The following CCDC146 variants were observed in gnomAD, a reference collection of about 807,000 sequenced individuals.
CCDC146 encodes the protein coiled-coil domain containing 146, also known as coiled-coil domain-containing protein 146.
CCDC146 carries 92 observed loss-of-function variants against 119.3 expected under a neutral mutation model. That is an observed-to-expected ratio of 0.77 (90% CI 0.65 to 0.92). The LOEUF (loss-of-function observed/expected upper bound fraction) is 0.92. Ranked by LOEUF, CCDC146 falls within the 40% of genes least tolerant of loss-of-function variation. The pLI is 0.00. For missense variants in CCDC146, 1,000 were observed against 1,103.0 expected (o/e 0.91, Z 1.32); for synonymous variants, 372 against 371.8 (o/e 1.00, Z -0.01).
chr7:77,180,104 ATATG>A (rs1406473889), intron 2 of CCDC146, among the ~76,000 whole-genome samples: 2 of 151,758 alleles, frequency 1.3e-5, no homozygotes, highest in Admixed American at 1.3e-4. Flanking sequence ...ATATGCACCC[ATATG>A]TATGTACCAT....
intron 1 of CCDC146, among the ~76,000 whole-genome samples, chr7:77,133,540 C>T (rs777152659): frequency 4.0e-5 from 6 of 151,876 alleles, no homozygotes; most frequent in Non-Finnish European, 5.9e-5. Context: ...TTAGTAGAGA[C>T]GTGGTTTCAC....
intron 1 of CCDC146, among the ~76,000 whole-genome samples, chr7:77,140,365 A>C (rs934083446): frequency 2.6e-5 from 4 of 152,204 alleles, no homozygotes; most frequent in Admixed American, 2.6e-4. Context: ...CAGGTGACTT[A>C]AGTAACAGAA....
rs1792853049 is a variant in CCDC146 at position 77,241,686 on chromosome 7, C to G, written c.240-5C>G. 1.2e-6 allele frequency: 2 copies of G among 1,613,424 alleles called. No individual in the cohort carries two copies. Among genetic ancestry groups the G allele is most frequent in the Middle Eastern group, 1.6e-4 (1 of 6,062 alleles). On this transcript the variant is annotated splice_polypyrimidine_tract_variant and splice_region_variant and intron_variant, in intron 3 of 18. Coordinates refer to ENST00000285871, the MANE Select transcript of CCDC146 (RefSeq NM_020879.3). ...ATGTGAGTCTCTGTTTTTCATGTAA[C>G]CCAGCACACAAGAGTCAGAGGTCCA...
intron 1 of CCDC146, among the ~76,000 whole-genome samples, chr7:77,134,966 T>A (rs1790840903): frequency 6.6e-6 from 1 of 152,192 alleles, no homozygotes; most frequent in Non-Finnish European, 1.5e-5. Flanking sequence ...CCCACCATAT[T>A]TGTTATTGTT....
chr7:77,268,484 G>T (rs1793450104), intron 9 of CCDC146, among the ~76,000 whole-genome samples: 1 of 152,136 alleles, frequency 6.6e-6, no homozygotes, highest in Non-Finnish European at 1.5e-5. Flanking sequence ...TTCTGTATGT[G>T]CTTACTGCAC....
chr7:77,250,344 T>G (rs1355808499), intron 4 of CCDC146, among the ~76,000 whole-genome samples: 1 of 152,232 alleles, frequency 6.6e-6, no homozygotes, highest in Non-Finnish European at 1.5e-5. Context: ...AGAGCTTCCT[T>G]TAACATTTCT....
chr7:77,162,120 G>C (rs1791272134), intron 1 of CCDC146, among the ~76,000 whole-genome samples: 1 of 152,128 alleles, frequency 6.6e-6, no homozygotes, highest in African/African-American at 2.4e-5. Flanking sequence ...TTTGTTGATT[G>C]TTTCTTTTGC....
rs555680709 is a variant in CCDC146, at chr7:77,278,590, T to C, written c.1441-162T>C. On this transcript the variant is annotated intron_variant, in intron 11 of 18. Coordinates refer to ENST00000285871, the MANE Select transcript of CCDC146 (RefSeq NM_020879.3). ...CCTCCTGAGTAGCTGGGACTACAGG[T>C]GCACACCACCATACCCAGATAATTT... 3.3e-5 allele frequency among the ~76,000 whole-genome samples: 5 copies of C among 151,932 alleles called. No individual in the cohort carries two copies. In the South Asian group the frequency reaches 1.0e-3, roughly 32 times the overall value.
At chr7:77,269,378 C>T (rs906917077) in intron 9 of CCDC146, among the ~76,000 whole-genome samples, 34 of 151,958 alleles carry the variant, frequency 2.2e-4, no homozygotes, top group Middle Eastern at 3.4e-3. Context: ...ACTTTTTCTC[C>T]GTGTTTTTTC....
intron 2 of CCDC146, among the ~76,000 whole-genome samples, chr7:77,176,612 T>C (rs1368774572): frequency 6.6e-6 from 1 of 152,168 alleles, no homozygotes; most frequent in Non-Finnish European, 1.5e-5. Context: ...GTTGTTGATA[T>C]AGTATTCAGA....
At chr7:77,246,861 G>A (rs1792959782) in intron 4 of CCDC146, among the ~76,000 whole-genome samples, 1 of 152,092 alleles carries the variant, frequency 6.6e-6, no homozygotes, top group African/African-American at 2.4e-5. Flanking sequence ...TACTTAGCAA[G>A]GTTGTGAATT....
chr7:77,227,846 G>A (rs965088292), intron 2 of CCDC146, among the ~76,000 whole-genome samples: 14 of 152,154 alleles, frequency 9.2e-5, no homozygotes, highest in Middle Eastern at 3.2e-3. Flanking sequence ...ACACAGGCAA[G>A]CAAAAATAAA....
intron 17 of CCDC146, among the ~76,000 whole-genome samples, chr7:77,291,129 GA>G (rs1267429352): frequency 6.6e-6 from 1 of 152,158 alleles, no homozygotes; most frequent in Non-Finnish European, 1.5e-5. Context: ...CTTATGGGAT[GA>G]CAAAAATAGT....
At chr7:77,248,857 A>G (rs979013777) in intron 4 of CCDC146, among the ~76,000 whole-genome samples, 4 of 152,016 alleles carry the variant, frequency 2.6e-5, no homozygotes, top group African/African-American at 2.4e-5. Context: ...CTTTTTTTGT[A>G]TTTTCTCATG....
At chr7:77,127,003 A>G (rs1241529928) in intron 1 of CCDC146, among the ~76,000 whole-genome samples, 2 of 152,004 alleles carry the variant, frequency 1.3e-5, no homozygotes, top group Non-Finnish European at 2.9e-5. Context: ...ACCCCACTCC[A>G]AGATCTGAGC....
At chr7:77,149,340 A>G (rs967320140) in intron 1 of CCDC146, among the ~76,000 whole-genome samples, 1 of 152,250 alleles carries the variant, frequency 6.6e-6, no homozygotes, top group Admixed American at 6.5e-5. Flanking sequence ...AGATGGATTA[A>G]AGACCGTCAG....
chr7:77,234,846 A>G (rs147107744), intron 2 of CCDC146, among the ~76,000 whole-genome samples: 3 of 152,328 alleles, frequency 2.0e-5, no homozygotes, highest in Admixed American at 1.3e-4. Flanking sequence ...CTTGTTCACC[A>G]TATTTCACCC....
chr7:77,225,267 C>A (rs2150467637), intron 2 of CCDC146, among the ~76,000 whole-genome samples: 1 of 152,244 alleles, frequency 6.6e-6, no homozygotes, highest in East Asian at 1.9e-4. Context: ...GCAAAGCTGG[C>A]CAGGCATGGT....
chr7:77,286,771 T>G, intron 15 of CCDC146, 27 bp from the exon 16 acceptor site: 3 of 1,610,126 alleles, frequency 1.9e-6, no homozygotes, highest in Non-Finnish European at 2.5e-6. Context: ...AGCGTTCATT[T>G]TAAAGTTAAT....
Sources: gnomAD v4.1 joint callset for allele counts (sites outside exome capture counted in the v4.1 genomes callset) on GRCh38, gnomAD v4.1.1 for gene constraint, MANE v1.5 for transcripts, NCBI Gene and HGNC (gene_info 2026-07-23, HGNC 2026-07-21) for gene names.